The following ZNF251 variants were observed in gnomAD, a reference collection of about 807,000 sequenced individuals.
The protein encoded by ZNF251 is zinc finger protein 251.
Under a neutral mutation model 13.5 loss-of-function variants are expected in ZNF251, and 14 were observed. That is an observed-to-expected ratio of 1.04 (90% CI 0.69 to 1.63). The LOEUF is 1.63. Among genes scored for constraint, ZNF251 ranks in the 40% most tolerant of loss-of-function variants. ZNF251 has a pLI of 0.00. For synonymous variants in ZNF251, 287 were observed against 295.2 expected (o/e 0.97, Z 0.28); for missense variants, 764 against 834.9 (o/e 0.92, Z 1.05).
At chr8:144,728,662 C>CAAAAAAA (rs573364533) in intron 4 of ZNF251, among the ~76,000 whole-genome samples, 1 of 56,342 alleles carries the variant, frequency 1.8e-5, no homozygotes, top group African/African-American at 5.6e-5. Context: ...GGCTCCGTCT[C>CAAAAAAA]AAAAAAAAAA....
chr8:144,731,462 G>T (rs1056831846), intron 4 of ZNF251, among the ~76,000 whole-genome samples: 10 of 152,138 alleles, frequency 6.6e-5, no homozygotes, highest in African/African-American at 2.4e-4. Context: ...TAAGATTTGT[G>T]CATTTCATTT....
At chr8:144,753,919 G>C in intron 3 of ZNF251, 123 bp from the exon 4 acceptor site, 1 of 803,880 alleles carries the variant, frequency 1.2e-6, no homozygotes, top group Middle Eastern at 3.7e-4. Context: ...GGGGGCCCGT[G>C]GGCTGAGACT....
chr8:144,750,529 C>A (rs1207818513), intron 4 of ZNF251, among the ~76,000 whole-genome samples: 2 of 152,222 alleles, frequency 1.3e-5, no homozygotes, highest in Admixed American at 1.3e-4. Context: ...CTCCTGAGGG[C>A]AGGTCTTGTT....
intron 2 of ZNF251, 75 bp from the exon 3 acceptor site, chr8:144,754,396 TG>T: frequency 1.3e-6 from 2 of 1,485,882 alleles, no homozygotes; most frequent in South Asian, 1.4e-5. Flanking sequence ...CCTGACCTGG[TG>T]GGGCCCCACT....
chr8:144,724,608 T>C (rs941982191), intron 4 of ZNF251, among the ~76,000 whole-genome samples: 6 of 152,240 alleles, frequency 3.9e-5, no homozygotes, highest in Non-Finnish European at 8.8e-5. Flanking sequence ...GACTGCCATA[T>C]GTACGTTGAA....
intron 4 of ZNF251, among the ~76,000 whole-genome samples, chr8:144,748,325 C>T (rs372315961): frequency 3.9e-5 from 6 of 152,106 alleles, no homozygotes; most frequent in Non-Finnish European, 2.9e-5. Flanking sequence ...CTGCCCGCCT[C>T]GGCCTCCCAG....
rs113083173 is a variant in ZNF251, at chr8:144,738,865, C to G, written c.277+14818G>C. On this transcript the variant is annotated intron_variant, in intron 4 of 4. Coordinates refer to ENST00000292562, the MANE Select transcript of ZNF251 (RefSeq NM_138367.2). ...TGTTCAAGGCAACCTCATGGGGGCA[C>G]CTGTTTGGGAAGAAGTTGCCTCCTA... Among the ~76,000 whole-genome samples the G allele has an allele frequency of 4.3e-3, 662 of 152,192 alleles. 4 individuals carry two copies. Among genetic ancestry groups the G allele is most frequent in the African/African-American group, 0.014 (597 of 41,502 alleles).
At position 144,722,644 on chromosome 8, in the gene ZNF251, T is replaced by C; in HGVS notation, c.1016A>G (p.His339Arg). The change falls in exon 5 of 5, where the codon CAT becomes CGT. Residue 339 changes from histidine to arginine, a missense_variant. Coordinates refer to ENST00000292562, the MANE Select transcript of ZNF251 (RefSeq NM_138367.2). This position sits in a 1 kb window ranked among gnomAD's most constrained non-coding sequence, Gnocchi z 4.8. ...GFSQSPQLTQ[H>R]QRIHTGEKPH... The stretch of plus-strand genomic sequence containing the variant: ...CTTCTCTCCAGTGTGAATTCTCTGA[T>C]GCTGAGTTAACTGGGGGCTCTGGCT... The C allele has an allele frequency of 6.2e-7, 1 of 1,614,240 alleles. No individual in the cohort carries two copies. Among genetic ancestry groups the C allele is most frequent in the Non-Finnish European group, 8.5e-7 (1 of 1,180,038 alleles).
intron 4 of ZNF251, among the ~76,000 whole-genome samples, chr8:144,747,674 C>T (rs61087404): frequency 0.077 from 8,817 of 114,846 alleles, 871 homozygotes; most frequent in African/African-American, 0.26. Context: ...TGCGATGGCG[C>T]GAATCTCGGC....
At chr8:144,739,241 C>A (rs376133835) in intron 4 of ZNF251, among the ~76,000 whole-genome samples, 7 of 148,042 alleles carry the variant, frequency 4.7e-5, no homozygotes, top group South Asian at 2.3e-4. Flanking sequence ...CCCACCCCCC[C>A]AAAACTAGGA....
At position 144,734,493 on chromosome 8, in the gene ZNF251, G is replaced by A. The variant is rs1239259423; in HGVS notation, c.278-11111C>T. ...AGATGAGTGTAAGGCTCACAGCAAC[G>A]GCATGAACTCTACTTGGTGCCGCTG... is the stretch of plus-strand genomic sequence containing the variant. On this transcript the variant is annotated intron_variant, in intron 4 of 4. Transcript: ENST00000292562. This position sits in a 1 kb window ranked among gnomAD's most constrained non-coding sequence, Gnocchi z 4.4. 1.3e-5 allele frequency among the ~76,000 whole-genome samples: 2 copies of A among 152,202 alleles called. No individual in the cohort carries two copies. Among genetic ancestry groups the A allele is most frequent in the African/African-American group, 4.8e-5 (2 of 41,470 alleles).
rs114007900 is a variant in ZNF251 at position 144,742,094 on chromosome 8, A to G, written c.277+11589T>C. ...ACGACAGGCAGCTCACCTCAAAAGC[A>G]GGAGAGTGACCCACGACACACCACG... On this transcript the variant is annotated intron_variant, in intron 4 of 4. Transcript: ENST00000292562. 5.4e-3 allele frequency among the ~76,000 whole-genome samples: 816 copies of G among 152,258 alleles called. 8 individuals carry two copies. Among genetic ancestry groups the G allele is most frequent in the African/African-American group, 0.018 (767 of 41,546 alleles).
At chr8:144,747,103 T>C (rs1824464542) in intron 4 of ZNF251, among the ~76,000 whole-genome samples, 1 of 152,246 alleles carries the variant, frequency 6.6e-6, no homozygotes, top group South Asian at 2.1e-4. Context: ...GTCAATGCTA[T>C]AAATTTCCCT....
At position 144,722,710 on chromosome 8, in the gene ZNF251, C is replaced by T. The variant is rs1586677717; in HGVS notation, c.950G>A (p.Gly317Glu). Residue 317 changes from glycine (G) to glutamate (E), a missense_variant, in exon 5 of 5, where the codon GGA becomes GAA. Coordinates refer to ENST00000292562, the MANE Select transcript of ZNF251 (RefSeq NM_138367.2). The surrounding 1 kb of genome is among the most constrained non-coding windows in gnomAD (Gnocchi z 4.8). ...TLIQHRIIHT[G>E]EKPYKCNECG... is the part of the protein sequence containing the mutation. ...TTCATTACACTTGTAGGGTTTCTCTCCTGTGTGAATGATCCGATGTTGAAT... is the reference window on the plus strand; with the variant it reads ...TTCATTACACTTGTAGGGTTTCTCTTCTGTGTGAATGATCCGATGTTGAAT... 6.2e-7 allele frequency: 1 copy of T among 1,614,122 alleles called. No individual in the cohort carries two copies. Among genetic ancestry groups the T allele is most frequent in the Middle Eastern group, 1.6e-4 (1 of 6,062 alleles).
chr8:144,747,661 G>A (rs966790859), intron 4 of ZNF251, among the ~76,000 whole-genome samples: 5 of 14,784 alleles, frequency 3.4e-4, no homozygotes, highest in African/African-American at 2.1e-3. Flanking sequence ...GCCCAGGCTG[G>A]AGTGCGATGG....
intron 4 of ZNF251, among the ~76,000 whole-genome samples, chr8:144,739,829 AG>A (rs1824075998): frequency 6.6e-6 from 1 of 151,916 alleles, no homozygotes; most frequent in South Asian, 2.1e-4. Flanking sequence ...TGGGAGGGTA[AG>A]GCTGCAGCGA....
chr8:144,723,212 A>C lies in ZNF251; in HGVS notation c.448T>G (p.Ser150Ala). The C allele has an allele frequency of 6.2e-7, 1 of 1,613,124 alleles. No homozygotes were observed. The highest frequency in any genetic ancestry group is 8.5e-7 in the Non-Finnish European group (1 of 1,179,526). Residue 150 changes from serine (S) to alanine (A), a missense_variant, in exon 5 of 5, where the codon TCT becomes GCT. By Grantham distance (99) the Ser-to-Ala change is moderately conservative. Coordinates refer to ENST00000292562, the MANE Select transcript of ZNF251 (RefSeq NM_138367.2). ...EGKLKERVGNSAGQSLNKPNI... is the reference protein window; with the variant it reads ...EGKLKERVGNAAGQSLNKPNI... Reference sequence around the variant, plus strand: ...GGTTTGTTCAAACTCTGCCCGGCAGAATTTCCCACGCGCTCTTTGAGTTTG... The same window carrying C: ...GGTTTGTTCAAACTCTGCCCGGCAGCATTTCCCACGCGCTCTTTGAGTTTG...
rs772431721 is a variant in ZNF251, at chr8:144,744,514, T to C, written c.277+9169A>G. ...GTCCTGCTCACCCCAAATTCACATG[T>C]TGAAGCCTCAATGTGATGACGTTTG... On this transcript the variant is annotated intron_variant, in intron 4 of 4. Coordinates refer to ENST00000292562, the MANE Select transcript of ZNF251 (RefSeq NM_138367.2). Among the ~76,000 whole-genome samples, 183 of 152,190 alleles carry C rather than the reference T, an allele frequency of 1.2e-3. 3 individuals carry two copies. Among genetic ancestry groups the C allele is most frequent in the Admixed American group, 7.9e-4 (12 of 15,284 alleles).
chr8:144,732,778 C>T lies in ZNF251; in HGVS notation c.278-9396G>A, dbSNP rs558682363. ...AGTGAGCCAAGATCGCACCACTGCA[C>T]TCCAGCCTGGGCGACAGAGCGAGAC... On this transcript the variant is annotated intron_variant, in intron 4 of 4. Transcript: ENST00000292562. 3.6e-3 allele frequency among the ~76,000 whole-genome samples: 524 copies of T among 146,116 alleles called. 1 individual carries two copies. The highest frequency in any genetic ancestry group is 0.013 in the South Asian group (60 of 4,546).
Sources: gnomAD v4.1 joint callset for allele counts (sites outside exome capture counted in the v4.1 genomes callset) on GRCh38, gnomAD v4.1.1 for gene constraint, Gnocchi (gnomAD v3.1) non-coding constraint, MANE v1.5 for transcripts, NCBI Gene and HGNC (gene_info 2026-07-23, HGNC 2026-07-21) for gene names.